NATD1: variants seen among roughly 807,000 people sequenced by gnomAD.
NATD1 encodes the protein N-acetyltransferase domain containing 1.
NATD1 carries 9 observed loss-of-function variants against 12.0 expected under a neutral mutation model. The ratio of observed to expected loss-of-function variants is 0.75; its 90% CI spans 0.45 to 1.30. NATD1 has a LOEUF of 1.30. Ranked by LOEUF, NATD1 falls within the 50% of genes most tolerant of loss-of-function variation. The pLI is 0.00. For missense variants in NATD1, 148 were observed against 148.5 expected (o/e 1.00, Z 0.02); for synonymous variants, 71 against 65.9 (o/e 1.08, Z -0.37).
rs1237942653 is a variant in NATD1 at position 21,253,234 on chromosome 17, C to T, written c.31G>A (p.Gly11Ser). MAHSAAAVPL[G>S]ALEQGCPIRV... ...ATGGGGCAGCCCTGCTCCAGCGCGCCCAGCGGCACGGCGGCAGCCGAGTGC... is the reference window on the plus strand; with the variant it reads ...ATGGGGCAGCCCTGCTCCAGCGCGCTCAGCGGCACGGCGGCAGCCGAGTGC... The change falls in exon 1 of 3, where the codon GGC (glycine) becomes AGC (serine). Residue 11 changes from glycine to serine, a missense_variant. Gly to Ser is a moderately conservative substitution (Grantham distance 56). Transcript: ENST00000611551. 5 of 1,001,572 alleles carry T rather than the reference C, an allele frequency of 5.0e-6. No homozygotes were observed. The highest frequency in any genetic ancestry group is 1.0e-4 in the East Asian group (1 of 9,882). The allele number at this position is 1,001,572 out of a possible 1,614,324, so 62.0% of individuals were successfully genotyped here.
At chr17:21,247,393 C>T (rs546765265) in intron 1 of NATD1, among the ~76,000 whole-genome samples, 6 of 152,314 alleles carry the variant, frequency 3.9e-5, no homozygotes, top group African/African-American at 1.2e-4. Context: ...CAGGAGACAG[C>T]AGGACAGAAG....
chr17:21,249,770 C>T (rs564394346), intron 1 of NATD1, among the ~76,000 whole-genome samples: 15 of 152,342 alleles, frequency 9.8e-5, no homozygotes, highest in Non-Finnish European at 2.2e-4. Context: ...CAGCTGCCTC[C>T]AACCTTCAGA....
chr17:21,246,847 T>C (rs1001337401), intron 1 of NATD1, among the ~76,000 whole-genome samples: 1 of 151,986 alleles, frequency 6.6e-6, no homozygotes, highest in Admixed American at 6.6e-5. Context: ...CGCCCACTGG[T>C]GAGAACAGCA....
At position 21,244,042 on chromosome 17, in the gene NATD1, C is replaced by A; in HGVS notation, c.225+64G>T. ...GTGGCCACCAGGGCCACCGTCTCCT[C>A]GGAGCGAAGGTGGCAGCCCCCATGT... On this transcript the variant is annotated intron_variant, in intron 2 of 2. Coordinates refer to ENST00000611551, the MANE Select transcript of NATD1 (RefSeq NM_152914.3). The surrounding 1 kb of genome is among the most constrained non-coding windows in gnomAD (Gnocchi z 5.2). 1 of 1,451,140 alleles carries A rather than the reference C, an allele frequency of 6.9e-7. No homozygotes were observed. The highest frequency in any genetic ancestry group is 1.4e-5 in the African/African-American group (1 of 71,374). 89.9% of individuals were successfully genotyped at this position (1,451,140 alleles called of 1,614,324 possible). A position where few individuals can be genotyped will look rare whatever the true frequency, so the allele number is the denominator to read the frequency against.
rs73307688 is a variant in NATD1, at chr17:21,242,018, C to T, written c.*1295G>A. On this transcript the variant is annotated 3_prime_UTR_variant, in exon 3 of 3. Coordinates refer to ENST00000611551, the MANE Select transcript of NATD1 (RefSeq NM_152914.3). ...CTGGTGAACCTCTCCCTGTACTGCCCAGAGCCCAGCCTGACTCCCCCCGAA... is the reference window on the plus strand; with the variant it reads ...CTGGTGAACCTCTCCCTGTACTGCCTAGAGCCCAGCCTGACTCCCCCCGAA... The T allele has an allele frequency of 0.035, 5,322 of 152,458 alleles. 305 individuals are homozygous for T. Among genetic ancestry groups the T allele is most frequent in the African/African-American group, 0.12 (4,793 of 41,478 alleles). The allele number at this position is 152,458 out of a possible 1,614,324, so 9.4% of individuals were successfully genotyped here. A position where few individuals can be genotyped will look rare whatever the true frequency, so the allele number is the denominator to read the frequency against.
intron 1 of NATD1, among the ~76,000 whole-genome samples, chr17:21,252,896 C>G (rs1397076374): frequency 2.0e-5 from 3 of 151,842 alleles, no homozygotes; most frequent in Non-Finnish European, 2.9e-5. Flanking sequence ...CCTGCTCTCC[C>G]GGGAAGTCTG....
intron 1 of NATD1, among the ~76,000 whole-genome samples, chr17:21,248,428 T>C (rs1597785149): frequency 6.6e-6 from 1 of 152,026 alleles, no homozygotes; most frequent in African/African-American, 2.4e-5. Context: ...ATGCCTGGGG[T>C]CCAGCTGCCT....
Position 21,243,433 on chromosome 17 carries a change from G to A in NATD1, c.226-4C>T. The stretch of plus-strand genomic sequence containing the variant: ...CCACCACGAAGTCCAGGGCGGCCTG[G>A]GAGCCGGGCAGAGAGGAGAGTGGTC... On this transcript the variant is annotated splice_polypyrimidine_tract_variant and splice_region_variant and intron_variant, in intron 2 of 2. Coordinates refer to ENST00000611551, the MANE Select transcript of NATD1 (RefSeq NM_152914.3). 1 of 1,610,992 alleles carries A rather than the reference G, an allele frequency of 6.2e-7. No individual in the cohort carries two copies. Among genetic ancestry groups the A allele is most frequent in the Non-Finnish European group, 8.5e-7 (1 of 1,179,210 alleles).
At position 21,244,179 on chromosome 17, in the gene NATD1, C is replaced by T. The variant is rs778176721; in HGVS notation, c.152G>A (p.Arg51Gln). The T allele has an allele frequency of 1.5e-5, 25 of 1,613,088 alleles. No individual in the cohort carries two copies. The highest frequency in any genetic ancestry group is 2.2e-5 in the South Asian group (2 of 91,048). The stretch of plus-strand genomic sequence containing the variant: ...CTCGGTGTGCTGCAGGTCCACGATC[C>T]GCTTGCCCACGTACTCATAGAGCAG... ...AVLLYEYVGK[R>Q]IVDLQHTEVP... Residue 51 changes from arginine to glutamine, a missense_variant, in exon 2 of 3, where the codon CGG becomes CAG. Coordinates refer to ENST00000611551, the MANE Select transcript of NATD1 (RefSeq NM_152914.3). This position sits in a 1 kb window ranked among gnomAD's most constrained non-coding sequence, Gnocchi z 5.2.
In NATD1 at chr17:21,243,268, A is replaced by T. The variant is rs1483492983; in HGVS notation, c.*45T>A. The T allele has an allele frequency of 6.5e-7, 1 of 1,533,564 alleles. No homozygotes were observed. Among genetic ancestry groups the T allele is most frequent in the Non-Finnish European group, 8.9e-7 (1 of 1,119,790 alleles). 95.0% of individuals were successfully genotyped at this position (1,533,564 alleles called of 1,614,324 possible). A position where few individuals can be genotyped will look rare whatever the true frequency, so the allele number is the denominator to read the frequency against. On this transcript the variant is annotated 3_prime_UTR_variant, in exon 3 of 3. Transcript: ENST00000611551. ...GAGCACGTGGGGCCAGGCAAAGGCC[A>T]CGTGGAAGAGTCCGGCAGGGAGCGC...
chr17:21,239,687 A>C lies in NATD1; in HGVS notation c.*3626T>G, dbSNP rs374516733. ...CACCTGTAATTCCAGCTACTCGGGA[A>C]GCTGAGGCAGGAGAATTGCTTGACC... On this transcript the variant is annotated 3_prime_UTR_variant, in exon 3 of 3. Coordinates refer to ENST00000611551, the MANE Select transcript of NATD1 (RefSeq NM_152914.3). The C allele has an allele frequency of 3.3e-5, 5 of 152,372 alleles. No homozygotes were observed. The highest frequency in any genetic ancestry group is 2.1e-4 in the South Asian group (1 of 4,822). The allele number at this position is 152,372 out of a possible 1,614,324, so 9.4% of individuals were successfully genotyped here.
At chr17:21,251,070 C>T (rs905279816) in intron 1 of NATD1, among the ~76,000 whole-genome samples, 1 of 152,270 alleles carries the variant, frequency 6.6e-6, no homozygotes. Flanking sequence ...AAGAGCCCCA[C>T]CCTGTGCTGC....
chr17:21,251,299 A>C (rs1254075946), intron 1 of NATD1, among the ~76,000 whole-genome samples: 1 of 151,640 alleles, frequency 6.6e-6, no homozygotes, highest in African/African-American at 2.4e-5. Context: ...AAAAGAAAAA[A>C]AAAAAAAAAA....
At chr17:21,251,311 A>C (rs907163816) in intron 1 of NATD1, among the ~76,000 whole-genome samples, 61 of 150,912 alleles carry the variant, frequency 4.0e-4, no homozygotes, top group African/African-American at 1.3e-3. Flanking sequence ...AAAAAAAAAA[A>C]CAAACGTATC....
rs775146176 is a variant in NATD1 at position 21,244,108 on chromosome 17, T to C, written c.223A>G (p.Lys75Glu). ...RGRGIAKHLAKAALDFVVEED... is the reference protein window; with the variant it reads ...RGRGIAKHLAEAALDFVVEED... ...GCCCTGCCACCTGCCTGCCCTACCTTGGCAAGGTGCTTGGCGATGCCACGC... is the reference window on the plus strand; with the variant it reads ...GCCCTGCCACCTGCCTGCCCTACCTCGGCAAGGTGCTTGGCGATGCCACGC... Residue 75 changes from lysine (K) to glutamate (E), a missense_variant and splice_region_variant, in exon 2 of 3, where the codon AAG becomes GAG. Transcript: ENST00000611551. The surrounding 1 kb of genome is among the most constrained non-coding windows in gnomAD (Gnocchi z 5.2). The C allele has an allele frequency of 6.2e-7, 1 of 1,610,962 alleles. No individual in the cohort carries two copies. Among genetic ancestry groups the C allele is most frequent in the Non-Finnish European group, 8.5e-7 (1 of 1,178,724 alleles).
Position 21,244,019 on chromosome 17 carries a change from G to A in NATD1, c.225+87C>T. The A allele has an allele frequency of 8.2e-7, 1 of 1,213,632 alleles. No homozygotes were observed. The highest frequency in any genetic ancestry group is 1.2e-6 in the Non-Finnish European group (1 of 866,108). The allele number at this position is 1,213,632 out of a possible 1,614,324, so 75.2% of individuals were successfully genotyped here. A position where few individuals can be genotyped will look rare whatever the true frequency, so the allele number is the denominator to read the frequency against. ...CCAGGGCCAAGAAGCAGGCTGAAGT[G>A]GCCACCAGGGCCACCGTCTCCTCGG... is the stretch of plus-strand genomic sequence containing the variant. On this transcript the variant is annotated intron_variant, in intron 2 of 2. Transcript: ENST00000611551. This position sits in a 1 kb window ranked among gnomAD's most constrained non-coding sequence, Gnocchi z 5.2.
chr17:21,244,546 T>C lies in NATD1; in HGVS notation c.107-322A>G, dbSNP rs1975309067. Reference sequence around the variant, plus strand: ...CTGCCACCCCTTTCTGTAGCCCTGCTCCCTGCATCCCCACCCCACCACATC... The same window carrying C: ...CTGCCACCCCTTTCTGTAGCCCTGCCCCCTGCATCCCCACCCCACCACATC... On this transcript the variant is annotated intron_variant, in intron 1 of 2. Coordinates refer to ENST00000611551, the MANE Select transcript of NATD1 (RefSeq NM_152914.3). The surrounding 1 kb of genome is among the most constrained non-coding windows in gnomAD (Gnocchi z 5.2). Among the ~76,000 whole-genome samples, 1 of 152,076 alleles carries C rather than the reference T, an allele frequency of 6.6e-6. No homozygotes were observed. The highest frequency in any genetic ancestry group is 6.5e-5 in the Admixed American group (1 of 15,270).
chr17:21,245,307 G>A (rs1266531749), intron 1 of NATD1, among the ~76,000 whole-genome samples: 1 of 152,196 alleles, frequency 6.6e-6, no homozygotes, highest in Non-Finnish European at 1.5e-5. Flanking sequence ...TAAGCCTTCT[G>A]AGCTGGGCGC....
Position 21,243,050 on chromosome 17 carries a change from C to A in NATD1, c.*263G>T. ...CTGGCTCTAGCCCCTACGTGTGACC[C>A]ACAGGCCTCCCACGAAGCCGCTGGT... is the stretch of plus-strand genomic sequence containing the variant. On this transcript the variant is annotated 3_prime_UTR_variant, in exon 3 of 3. Transcript: ENST00000611551. The A allele has an allele frequency of 2.5e-6, 1 of 399,524 alleles. No individual in the cohort carries two copies. Among genetic ancestry groups the A allele is most frequent in the Non-Finnish European group, 4.6e-6 (1 of 216,000 alleles). The allele number at this position is 399,524 out of a possible 1,614,324, so 24.7% of individuals were successfully genotyped here.
Sources: allele counts gnomAD v4.1 joint callset (sites outside exome capture counted in the v4.1 genomes callset), GRCh38; gene constraint gnomAD v4.1.1; non-coding constraint Gnocchi (gnomAD v3.1); transcripts MANE v1.5; gene names NCBI Gene and HGNC (gene_info 2026-07-23, HGNC 2026-07-21).